Variants in NEGR1 observed in about 807,000 individuals in gnomAD.
NEGR1 encodes the protein neuronal growth regulator 1, also known as IgLON family member 4.
Under a neutral mutation model 40.9 loss-of-function variants are expected in NEGR1, and 10 were observed. That is an observed-to-expected ratio of 0.24 (90% CI 0.15 to 0.42). The LOEUF (loss-of-function observed/expected upper bound fraction) is 0.42. Ranked by LOEUF, NEGR1 falls within the 10% of genes least tolerant of loss-of-function variation. The probability of loss-of-function intolerance (pLI) is 1.00; values close to 1 mark genes in which losing one functional copy is unlikely to be tolerated. For synonymous variants in NEGR1, 185 were observed against 166.8 expected (o/e 1.11, Z -0.84); for missense variants, 352 against 438.9 (o/e 0.80, Z 1.77).
intron 1 of NEGR1, among the ~76,000 whole-genome samples, chr1:72,138,674 T>C (rs1417949182): frequency 6.6e-6 from 1 of 152,014 alleles, no homozygotes; most frequent in Non-Finnish European, 1.5e-5. Flanking sequence ...TACACAGCAA[T>C]TCAATCTTAA....
intron 2 of NEGR1, among the ~76,000 whole-genome samples, chr1:71,881,592 T>C (rs1172723596): frequency 3.9e-5 from 6 of 152,108 alleles, no homozygotes; most frequent in Admixed American, 3.3e-4. Flanking sequence ...TTCTGCAAGG[T>C]ACATTTGCTC....
At chr1:72,046,574 T>C (rs1569873541) in intron 1 of NEGR1, among the ~76,000 whole-genome samples, 2 of 151,706 alleles carry the variant, frequency 1.3e-5, no homozygotes, top group East Asian at 3.9e-4. Flanking sequence ...AAGATTCAAC[T>C]TGGCAGCAAA....
chr1:72,167,968 A>C (rs1339237419), intron 1 of NEGR1, among the ~76,000 whole-genome samples: 1 of 151,256 alleles, frequency 6.6e-6, no homozygotes, highest in Non-Finnish European at 1.5e-5. Flanking sequence ...TAGACAAATA[A>C]TGTCATGATT....
chr1:71,876,217 A>G (rs2101838013), intron 2 of NEGR1, among the ~76,000 whole-genome samples: 1 of 152,274 alleles, frequency 6.6e-6, no homozygotes, highest in South Asian at 2.1e-4. Flanking sequence ...TAGTTCTATA[A>G]TGTGCTAATT....
At chr1:72,011,370 G>A (rs1203936015) in intron 1 of NEGR1, among the ~76,000 whole-genome samples, 2 of 152,094 alleles carry the variant, frequency 1.3e-5, no homozygotes, top group Non-Finnish European at 2.9e-5. Flanking sequence ...GATTTGAAAG[G>A]ACAATCTCTC....
intron 2 of NEGR1, among the ~76,000 whole-genome samples, chr1:71,825,640 ATC>A (rs1303608941): frequency 6.6e-6 from 1 of 151,884 alleles, no homozygotes; most frequent in East Asian, 1.9e-4. Flanking sequence ...AAGGTGTGGA[ATC>A]TCTCTAAATC....
intron 6 of NEGR1, among the ~76,000 whole-genome samples, chr1:71,560,015 T>G (rs1432575368): frequency 6.6e-6 from 1 of 151,374 alleles, no homozygotes; most frequent in African/African-American, 2.4e-5. Context: ...CTGCATCATC[T>G]TCACTTGAAG....
chr1:72,025,301 A>G (rs553068361), intron 1 of NEGR1, among the ~76,000 whole-genome samples: 1 of 152,282 alleles, frequency 6.6e-6, no homozygotes, highest in South Asian at 2.1e-4. Context: ...TTTTATTCTG[A>G]AGCCAAATGA....
intron 3 of NEGR1, among the ~76,000 whole-genome samples, chr1:71,774,256 A>G (rs1656425328): frequency 6.6e-6 from 1 of 152,174 alleles, no homozygotes; most frequent in South Asian, 2.1e-4. Flanking sequence ...TTAAGAGCAC[A>G]TGTGTATAAC....
chr1:71,504,227 C>CA (rs531434999), intron 6 of NEGR1, among the ~76,000 whole-genome samples: 33 of 151,526 alleles, frequency 2.2e-4, no homozygotes, highest in Admixed American at 7.9e-4. Context: ...AAAAAAATTA[C>CA]AAAAAAAGAT....
At chr1:71,703,672 C>T (rs1570235017) in intron 3 of NEGR1, among the ~76,000 whole-genome samples, 1 of 151,688 alleles carries the variant, frequency 6.6e-6, no homozygotes, top group East Asian at 1.9e-4. Context: ...AAGAAATTAA[C>T]AGTGTATTAA....
At chr1:71,558,172 T>C (rs1648314500) in intron 6 of NEGR1, among the ~76,000 whole-genome samples, 1 of 151,548 alleles carries the variant, frequency 6.6e-6, no homozygotes, top group South Asian at 2.1e-4. Flanking sequence ...AGTGACTATT[T>C]TTCTTTTTCC....
intron 1 of NEGR1, among the ~76,000 whole-genome samples, chr1:71,982,004 TTTTG>T (rs1646358657): frequency 6.6e-6 from 1 of 152,188 alleles, no homozygotes; most frequent in African/African-American, 2.4e-5. Context: ...TTTGGCATTT[TTTTG>T]TTTTTGTTTT....
chr1:71,898,848 T>C (rs1179200615), intron 2 of NEGR1, among the ~76,000 whole-genome samples: 1 of 145,516 alleles, frequency 6.9e-6, no homozygotes, highest in Non-Finnish European at 1.5e-5. Flanking sequence ...AAAGAGCAAA[T>C]ATATATAATA....
intron 2 of NEGR1, among the ~76,000 whole-genome samples, chr1:71,816,690 A>G (rs1430305938): frequency 6.6e-6 from 1 of 152,018 alleles, no homozygotes; most frequent in East Asian, 1.9e-4. Context: ...GCTAAACCAT[A>G]TCACTTTGTT....
intron 5 of NEGR1, among the ~76,000 whole-genome samples, chr1:71,593,341 C>T (rs1207518262): frequency 6.6e-6 from 1 of 152,102 alleles, no homozygotes; most frequent in Non-Finnish European, 1.5e-5. Context: ...ACGGAAAGTA[C>T]AAACTGATGG....
chr1:71,721,114 A>G (rs1654496159), intron 3 of NEGR1, among the ~76,000 whole-genome samples: 3 of 152,234 alleles, frequency 2.0e-5, no homozygotes, highest in Non-Finnish European at 4.4e-5. Context: ...TTAAGAAAGT[A>G]GATTTATTTC....
chr1:71,896,035 C>CTTTT (rs71074810), intron 2 of NEGR1, among the ~76,000 whole-genome samples: 8 of 111,202 alleles, frequency 7.2e-5, no homozygotes, highest in East Asian at 3.1e-4. Context: ...TAACGTTTAA[C>CTTTT]TTTTTTTTTT....
intron 1 of NEGR1, among the ~76,000 whole-genome samples, chr1:72,137,523 C>G (rs1441243716): frequency 6.7e-6 from 1 of 149,962 alleles, no homozygotes; most frequent in Admixed American, 6.7e-5. Flanking sequence ...CATGTTGTCA[C>G]TCATAAGTGG....
Sources: gnomAD v4.1 joint callset for allele counts (sites outside exome capture counted in the v4.1 genomes callset) on GRCh38, gnomAD v4.1.1 for gene constraint, MANE v1.5 for transcripts, NCBI Gene and HGNC (gene_info 2026-07-23, HGNC 2026-07-21) for gene names.